Variants in NRG3 observed in about 807,000 individuals in gnomAD.
NRG3 encodes the protein pro-neuregulin-3, membrane-bound isoform.
A neutral mutation model predicts 66.9 loss-of-function variants in NRG3; 31 were observed. That is an observed-to-expected ratio of 0.46 (90% confidence interval 0.35 to 0.63). The LOEUF is 0.63. NRG3 is among the 20% of genes least tolerant of loss of function. The pLI is 0.00. For missense variants in NRG3, 910 were observed against 878.9 expected (o/e 1.04, Z -0.45); for synonymous variants, 393 against 359.4 (o/e 1.09, Z -1.06).
intron 2 of NRG3, among the ~76,000 whole-genome samples, chr10:82,642,432 C>T (rs772416850): frequency 1.7e-3 from 253 of 152,062 alleles, no homozygotes; most frequent in Non-Finnish European, 2.0e-3. Context: ...GCATATACTT[C>T]CTGGTGAAAT....
intron 2 of NRG3, among the ~76,000 whole-genome samples, chr10:82,618,763 G>A (rs1027422402): frequency 6.6e-6 from 1 of 151,896 alleles, no homozygotes; most frequent in African/African-American, 2.4e-5. Context: ...CCCATTTTCT[G>A]AAAATTATGG....
intron 4 of NRG3, among the ~76,000 whole-genome samples, chr10:82,870,045 T>C (rs924133547): frequency 6.7e-6 from 1 of 149,540 alleles, no homozygotes; most frequent in Non-Finnish European, 1.5e-5. Flanking sequence ...ATTTTTTGTA[T>C]TTTTAGTAGA....
intron 1 of NRG3, among the ~76,000 whole-genome samples, chr10:82,139,413 C>T (rs1051415296): frequency 3.9e-5 from 6 of 152,094 alleles, no homozygotes; most frequent in East Asian, 1.9e-4. Context: ...CATTATACCA[C>T]GTGAAAGATT....
intron 1 of NRG3, among the ~76,000 whole-genome samples, chr10:82,291,619 G>A (rs2225809): frequency 0.48 from 72,312 of 152,058 alleles, 20,776 homozygotes; most frequent in African/African-American, 0.81. Flanking sequence ...ACACAAATCA[G>A]TTGGACAGAA....
intron 4 of NRG3, among the ~76,000 whole-genome samples, chr10:82,909,263 G>A (rs1435856205): frequency 6.6e-6 from 1 of 152,200 alleles, no homozygotes; most frequent in African/African-American, 2.4e-5. Context: ...CTTCAATGCA[G>A]AGAAATGGAT....
At chr10:81,965,804 G>A (rs1419932201) in intron 1 of NRG3, among the ~76,000 whole-genome samples, 1 of 152,038 alleles carries the variant, frequency 6.6e-6, no homozygotes, top group East Asian at 1.9e-4. Context: ...TGAGTTGATA[G>A]TCTTTGATAT....
At chr10:81,908,858 C>A (rs1844842445) in intron 1 of NRG3, among the ~76,000 whole-genome samples, 1 of 152,126 alleles carries the variant, frequency 6.6e-6, no homozygotes, top group African/African-American at 2.4e-5. Context: ...TTCTCTTTCC[C>A]ATACTGTTTT....
intron 2 of NRG3, among the ~76,000 whole-genome samples, chr10:82,646,704 C>T (rs181763264): frequency 2.1e-4 from 32 of 152,172 alleles, no homozygotes; most frequent in Non-Finnish European, 4.4e-4. Context: ...CAGAAGTGTT[C>T]TTAGATGCTG....
intron 3 of NRG3, among the ~76,000 whole-genome samples, chr10:82,847,019 C>G (rs2063338690): frequency 6.6e-6 from 1 of 152,158 alleles, no homozygotes; most frequent in Non-Finnish European, 1.5e-5. Context: ...GGGGCTGTTA[C>G]AGCACTGCAG....
intron 6 of NRG3, among the ~76,000 whole-genome samples, chr10:82,970,185 T>C (rs1851595880): frequency 2.0e-5 from 3 of 152,226 alleles, no homozygotes; most frequent in Non-Finnish European, 4.4e-5. Context: ...ATATTTTGGA[T>C]CAAAGAGTAT....
At position 82,649,878 on chromosome 10, in the gene NRG3, T is replaced by G. The variant is rs2051271501; in HGVS notation, c.954-88699T>G. 1.3e-5 allele frequency among the ~76,000 whole-genome samples: 2 copies of G among 152,174 alleles called. 1 individual carries two copies. Among genetic ancestry groups the G allele is most frequent in the Admixed American group, 1.3e-4 (2 of 15,272 alleles). On this transcript the variant is annotated intron_variant, in intron 2 of 8. Transcript: ENST00000372141. The stretch of plus-strand genomic sequence containing the variant: ...TGGACTGATTATTGCTCAGAATTTT[T>G]TGTAGTTCTCAGTGGAAGTTCTTTT...
At chr10:81,951,225 TCTC>T (rs772374139) in intron 1 of NRG3, among the ~76,000 whole-genome samples, 1 of 152,124 alleles carries the variant, frequency 6.6e-6, no homozygotes, top group Non-Finnish European at 1.5e-5. Context: ...ATTTTCTTCT[TCTC>T]TTTCTGAAGT....
chr10:82,243,147 G>T (rs970613642), intron 1 of NRG3, among the ~76,000 whole-genome samples: 1 of 152,148 alleles, frequency 6.6e-6, no homozygotes, highest in Non-Finnish European at 1.5e-5. Flanking sequence ...ATGTAAAAGA[G>T]ACCCACTCCA....
intron 2 of NRG3, among the ~76,000 whole-genome samples, chr10:82,471,889 C>T (rs1464720436): frequency 4.6e-5 from 4 of 87,452 alleles, no homozygotes; most frequent in Non-Finnish European, 9.5e-5. Context: ...GACTCCATCT[C>T]GAAAAAAAAA....
At chr10:82,095,817 A>G (rs1414092742) in intron 1 of NRG3, among the ~76,000 whole-genome samples, 2 of 152,190 alleles carry the variant, frequency 1.3e-5, no homozygotes, top group Non-Finnish European at 2.9e-5. Context: ...AAATTAAACA[A>G]ATTCTCAAAA....
chr10:82,900,667 T>C (rs1377608217), intron 4 of NRG3, among the ~76,000 whole-genome samples: 3 of 152,268 alleles, frequency 2.0e-5, no homozygotes, highest in African/African-American at 7.2e-5. Flanking sequence ...CACAGTGGCC[T>C]TATAGGGTTG....
rs946798336 is a variant in NRG3, at chr10:82,750,218, C to T, written c.1027+11568C>T. 5.9e-5 allele frequency among the ~76,000 whole-genome samples: 9 copies of T among 152,104 alleles called. No homozygotes were observed. The East Asian group carries it at 1.2e-3, about 20-fold the overall frequency. ...CAACACAGTGCTGTACCAAGTAACA[C>T]GCCCATGATCCTCCTTTTCCTGAGA... On this transcript the variant is annotated intron_variant, in intron 3 of 8. Transcript: ENST00000372141.
intron 2 of NRG3, among the ~76,000 whole-genome samples, chr10:82,696,362 A>G (rs967416112): frequency 6.6e-6 from 1 of 152,130 alleles, no homozygotes; most frequent in Admixed American, 6.6e-5. Flanking sequence ...TATATTTAAA[A>G]TGGGCATTCT....
At chr10:81,969,072 T>C (rs1275843918) in intron 1 of NRG3, among the ~76,000 whole-genome samples, 1 of 152,138 alleles carries the variant, frequency 6.6e-6, no homozygotes, top group African/African-American at 2.4e-5. Flanking sequence ...TTGCCAGGTC[T>C]CCTGTCAACA....
Sources: gnomAD v4.1 joint callset for allele counts (sites outside exome capture counted in the v4.1 genomes callset) on GRCh38, gnomAD v4.1.1 for gene constraint, MANE v1.5 for transcripts, NCBI Gene and HGNC (gene_info 2026-07-23, HGNC 2026-07-21) for gene names.